The following PKD1L1 variants were observed in gnomAD, a reference collection of about 807,000 sequenced individuals.
PKD1L1 encodes the protein polycystin-1-like protein 1.
PKD1L1 carries 236 observed loss-of-function variants against 323.4 expected under a neutral mutation model. The observed-to-expected ratio is 0.73, with a 90% CI of 0.66 to 0.81. PKD1L1 has a LOEUF of 0.81. Ranked by LOEUF, PKD1L1 falls within the 40% of genes least tolerant of loss-of-function variation. The pLI is 0.00. For synonymous variants in PKD1L1, 1,344 were observed against 1,335.0 expected (o/e 1.01, Z -0.15); for missense variants, 3,320 against 3,508.0 (o/e 0.95, Z 1.35).
chr7:47,800,537 T>G, intron 54 of PKD1L1, 112 bp downstream of exon 54: 102 of 1,078,592 alleles, frequency 9.5e-5, no homozygotes, highest in Non-Finnish European at 1.3e-4. Flanking sequence ...TTCATTACCA[T>G]GAGATCTGGC....
the PKD1L1 span, among the ~76,000 whole-genome samples, chr7:47,958,844 T>C: frequency 6.6e-6 from 1 of 151,946 alleles, no homozygotes; most frequent in Non-Finnish European, 1.5e-5. Context: ...CCTCTCCCTC[T>C]CTTTCCACGG....
rs757000472 is a variant in PKD1L1 at position 47,929,376 on chromosome 7, G to A, written c.888C>T (p.Cys296=). Residue 296 remains cysteine, a synonymous_variant, in exon 7 of 57, where the codon TGC becomes TGT. Coordinates refer to ENST00000289672, the MANE Select transcript of PKD1L1 (RefSeq NM_138295.5). The stretch of plus-strand genomic sequence containing the variant: ...GTGCCCGAGCTTCCACTTCCAGGGA[G>A]CAATTAAGAACAGGGTTCATGAAGT... ...SDNFMNPVLN[C]SLEVEARAPP... 6.2e-7 allele frequency: 1 copy of A among 1,614,078 alleles called. No individual in the cohort carries two copies. Among genetic ancestry groups the A allele is most frequent in the African/African-American group, 1.3e-5 (1 of 74,928 alleles).
chr7:47,913,308 G>T (rs1374639102), intron 8 of PKD1L1, among the ~76,000 whole-genome samples: 1 of 152,116 alleles, frequency 6.6e-6, no homozygotes, highest in African/African-American at 2.4e-5. Flanking sequence ...CCAAAAAAAA[G>T]CTGAGTGAGG....
intron 14 of PKD1L1, among the ~76,000 whole-genome samples, chr7:47,894,532 A>G (rs767490545): frequency 8.5e-5 from 13 of 152,182 alleles, no homozygotes; most frequent in Non-Finnish European, 1.3e-4. Flanking sequence ...CATGTTATAA[A>G]TAAAACATTC....
rs1001631683 is a variant in PKD1L1 at position 47,898,972 on chromosome 7, T to G, written c.2065-778A>C. On this transcript the variant is annotated intron_variant, in intron 13 of 56. Coordinates refer to ENST00000289672, the MANE Select transcript of PKD1L1 (RefSeq NM_138295.5). ...CTATGAGGTTTCCTAAACTATAGTT[T>G]GGTCAGGAAAATAAGAATAAATGCT... Among the ~76,000 whole-genome samples the G allele has an allele frequency of 5.3e-5, 8 of 152,196 alleles. No homozygotes were observed. The East Asian group carries it at 5.8e-4, about 11-fold the overall frequency.
At chr7:47,851,211 T>C (rs1178433356) in intron 31 of PKD1L1, among the ~76,000 whole-genome samples, 1 of 152,194 alleles carries the variant, frequency 6.6e-6, no homozygotes, top group East Asian at 1.9e-4. Flanking sequence ...ATTGAGGACA[T>C]GGCCGGTTCC....
intron 54 of PKD1L1, among the ~76,000 whole-genome samples, chr7:47,796,664 G>A (rs1285502375): frequency 6.6e-6 from 1 of 152,030 alleles, no homozygotes; most frequent in African/African-American, 2.4e-5. Context: ...TAACAAACTC[G>A]AATTTTTACA....
At chr7:47,864,499 G>A (rs1437382601) in intron 26 of PKD1L1, among the ~76,000 whole-genome samples, 1 of 152,082 alleles carries the variant, frequency 6.6e-6, no homozygotes, top group Non-Finnish European at 1.5e-5. Flanking sequence ...TCATAGCATG[G>A]ATAGTACGTG....
rs563258069 is a variant in PKD1L1 at position 47,805,964 on chromosome 7, A to C, written c.7827+2283T>G. On this transcript the variant is annotated intron_variant, in intron 52 of 56. Transcript: ENST00000289672. ...GTCAGCTCTTCTCAGAAGCTAATTGAGGAATTGGAAATTGGCATCTGCCCT... is the reference window on the plus strand; with the variant it reads ...GTCAGCTCTTCTCAGAAGCTAATTGCGGAATTGGAAATTGGCATCTGCCCT... Among the ~76,000 whole-genome samples the C allele has an allele frequency of 2.6e-5, 4 of 152,314 alleles. No homozygotes were observed. In the South Asian group the frequency reaches 8.3e-4, roughly 32 times the overall value.
chr7:47,936,990 G>C lies in PKD1L1; in HGVS notation c.286-32C>G, dbSNP rs761587503. ...GAAAAAATAATAAAATAATGTGAGA[G>C]AGCTGCTTATGAAAACCCAGTACAT... On this transcript the variant is annotated intron_variant, in intron 3 of 56. Transcript: ENST00000289672. The C allele has an allele frequency of 2.6e-6, 4 of 1,522,798 alleles. No homozygotes were observed. The Admixed American group carries it at 5.3e-5, about 20-fold the overall frequency. The allele number at this position is 1,522,798 out of a possible 1,614,324, so 94.3% of individuals were successfully genotyped here.
rs1387180317 is a variant in PKD1L1, at chr7:47,877,518, A to G, written c.3634T>C (p.Phe1212Leu). The G allele has an allele frequency of 1.9e-6, 3 of 1,613,946 alleles. No individual in the cohort carries two copies. The highest frequency in any genetic ancestry group is 1.3e-5 in the African/African-American group (1 of 74,996). ...TTTCCAGACATGCAGAAGACACTGA[A>G]GACGGTGTGTGCTTCCAGACCATGG... The part of the protein sequence containing the change: ...PHHGLEAHTV[F>L]SVFCMSGKPD... Residue 1212 changes from phenylalanine to leucine, a missense_variant, in exon 22 of 57, where the codon TTC (phenylalanine) becomes CTC (leucine). By Grantham distance (22) the Phe-to-Leu change is conservative. Coordinates refer to ENST00000289672, the MANE Select transcript of PKD1L1 (RefSeq NM_138295.5).
intron 53 of PKD1L1, 44 bp from the exon 54 acceptor site, chr7:47,800,923 C>G: frequency 1.3e-6 from 2 of 1,529,612 alleles, no homozygotes; most frequent in Non-Finnish European, 1.8e-6. Context: ...GTCACCTCTT[C>G]TTAGGAGTGG....
At chr7:47,941,823 C>G (rs1047781514) in intron 2 of PKD1L1, among the ~76,000 whole-genome samples, 2 of 151,998 alleles carry the variant, frequency 1.3e-5, no homozygotes, top group African/African-American at 4.8e-5. Flanking sequence ...TGGATATACC[C>G]CTGAACAGAA....
At chr7:47,779,489 T>G (rs574537409) in intron 56 of PKD1L1, among the ~76,000 whole-genome samples, 1 of 152,328 alleles carries the variant, frequency 6.6e-6, no homozygotes, top group South Asian at 2.1e-4. Flanking sequence ...CCTGTATCTC[T>G]GTGTCTTGGT....
At chr7:47,931,458 C>T in intron 5 of PKD1L1, 137 bp from the exon 6 acceptor site, 1 of 899,502 alleles carries the variant, frequency 1.1e-6, no homozygotes, top group Non-Finnish European at 1.7e-6. Flanking sequence ...GGGTGGGTGA[C>T]CACAAATTGG....
At chr7:47,889,703 G>C (rs950559548) in intron 16 of PKD1L1, among the ~76,000 whole-genome samples, 7 of 152,078 alleles carry the variant, frequency 4.6e-5, no homozygotes, top group Non-Finnish European at 8.8e-5. Flanking sequence ...CATAGTAACT[G>C]CCCAGCCCCC....
chr7:47,941,080 A>G (rs866079854), intron 2 of PKD1L1, among the ~76,000 whole-genome samples: 52 of 152,370 alleles, frequency 3.4e-4, no homozygotes, highest in African/African-American at 1.2e-3. Context: ...TCTCAGCAAG[A>G]AGCCAGGCGA....
Position 47,928,903 on chromosome 7 carries a change from C to T in PKD1L1, c.1060+301G>A, listed in dbSNP as rs890632890. 3.3e-5 allele frequency among the ~76,000 whole-genome samples: 5 copies of T among 152,148 alleles called. No homozygotes were observed. The East Asian group carries it at 5.8e-4, about 18-fold the overall frequency. On this transcript the variant is annotated intron_variant, in intron 7 of 56. Coordinates refer to ENST00000289672, the MANE Select transcript of PKD1L1 (RefSeq NM_138295.5). ...AATTCTGCTTCTGTGTAGGATGAAG[C>T]GCCAGTACATTACCTTTGGGACCTC...
chr7:47,887,655 C>T (rs947188019), intron 17 of PKD1L1, among the ~76,000 whole-genome samples: 4 of 152,220 alleles, frequency 2.6e-5, no homozygotes, highest in Non-Finnish European at 5.9e-5. Flanking sequence ...GAGGTGGTGA[C>T]GGACACAGCC....
Sources: gnomAD v4.1 joint callset for allele counts (sites outside exome capture counted in the v4.1 genomes callset) on GRCh38, gnomAD v4.1.1 for gene constraint, MANE v1.5 for transcripts, NCBI Gene and HGNC (gene_info 2026-07-23, HGNC 2026-07-21) for gene names.